XPA: variants seen among roughly 807,000 people sequenced by gnomAD.
The protein encoded by XPA is DNA repair protein complementing XP-A cells.
A neutral mutation model predicts 35.7 loss-of-function variants in XPA; 27 were observed. The observed-to-expected ratio is 0.76, with a 90% CI of 0.56 to 1.04. XPA has a LOEUF of 1.04. XPA is among the 50% of genes least tolerant of loss of function. The probability of loss-of-function intolerance (pLI) is 0.00; values close to 1 mark genes in which losing one functional copy is unlikely to be tolerated. For missense variants in XPA, 354 were observed against 342.7 expected (o/e 1.03, Z -0.26); for synonymous variants, 133 against 118.4 (o/e 1.12, Z -0.80).
chr9:97,663,545 C>T, the XPA span, among the ~76,000 whole-genome samples: 8 of 151,964 alleles, frequency 5.3e-5, no homozygotes, highest in South Asian at 2.1e-4. Flanking sequence ...AGTGCAGTGG[C>T]GCAATCTTGG....
chr9:97,664,351 A>T, the XPA span: 1 of 1,607,104 alleles, frequency 6.2e-7, no homozygotes, highest in South Asian at 1.1e-5. Context: ...TGATTGCTGT[A>T]CTAGTGGATA....
At chr9:97,692,104 C>T (rs970764941) in intron 2 of XPA, among the ~76,000 whole-genome samples, 1 of 151,454 alleles carries the variant, frequency 6.6e-6, no homozygotes, top group Non-Finnish European at 1.5e-5. Flanking sequence ...ACCAGCTGAC[C>T]AACATGGAGA....
At chr9:97,689,479 G>T in intron 3 of XPA, 55 bp downstream of exon 3, 1 of 1,057,326 alleles carries the variant, frequency 9.5e-7, no homozygotes, top group Non-Finnish European at 1.5e-6. Context: ...AACTTGTTTT[G>T]CCCTAAACCT....
the XPA span, among the ~76,000 whole-genome samples, chr9:97,661,636 A>G: frequency 4.2e-4 from 63 of 151,728 alleles, 1 homozygote; most frequent in African/African-American, 1.4e-3. Flanking sequence ...AGAAATTTGT[A>G]TTATGATATT....
At chr9:97,689,902 T>G (rs1190796506) in intron 2 of XPA, among the ~76,000 whole-genome samples, 2 of 152,242 alleles carry the variant, frequency 1.3e-5, no homozygotes, top group Non-Finnish European at 2.9e-5. Context: ...TAGTGCTACA[T>G]TAGTTATAAG....
chr9:97,671,258 T>A, downstream of XPA: 1 of 1,251,624 alleles, frequency 8.0e-7, no homozygotes, highest in Non-Finnish European at 1.1e-6. Flanking sequence ...TTTGTCTTAT[T>A]TTTTGATGGT....
chr9:97,684,481 T>C (rs1307807066), intron 5 of XPA, among the ~76,000 whole-genome samples: 3 of 152,214 alleles, frequency 2.0e-5, no homozygotes, highest in Non-Finnish European at 2.9e-5. Flanking sequence ...TCTGGGTCTT[T>C]TGGTCATATA....
the XPA span, chr9:97,656,007 T>G: frequency 6.2e-7 from 1 of 1,612,672 alleles, no homozygotes; most frequent in South Asian, 1.1e-5. Context: ...CATTTCCTCC[T>G]TAGGTCAGAT....
At chr9:97,689,784 TA>T (rs202167208) in intron 2 of XPA, 145 bp from the exon 3 acceptor site, 7,598 of 384,318 alleles carry the variant, frequency 0.02, no homozygotes, top group Middle Eastern at 0.029. Flanking sequence ...TATGTTTATC[TA>T]AAAAAAAAAA....
At chr9:97,674,389 G>GACTT (rs1828287798), downstream of XPA, among the ~76,000 whole-genome samples, 1 of 152,062 alleles carries the variant, frequency 6.6e-6, no homozygotes, top group African/African-American at 2.4e-5. Context: ...GACTTGTTTT[G>GACTT]ACTTAGCCTT....
intron 5 of XPA, among the ~76,000 whole-genome samples, chr9:97,677,499 C>T (rs909955643): frequency 2.6e-5 from 4 of 151,930 alleles, no homozygotes; most frequent in Non-Finnish European, 5.9e-5. Context: ...ACAGTGAAAC[C>T]CCAATCTCTT....
the XPA span, among the ~76,000 whole-genome samples, chr9:97,668,106 A>G: frequency 6.6e-6 from 1 of 152,210 alleles, no homozygotes; most frequent in Admixed American, 6.5e-5. Context: ...AAGAATTACC[A>G]GGCTTTCTAG....
At chr9:97,654,757 G>T in the XPA span, 2 of 859,580 alleles carry the variant, frequency 2.3e-6, no homozygotes, top group African/African-American at 1.7e-5. Flanking sequence ...GATTGATTGT[G>T]TGAAAAGATG....
rs1829084452 is a variant in XPA at position 97,697,254 on chromosome 9, A to AGCC, written c.36_38dup (p.Ala13dup). 1.3e-6 allele frequency: 2 copies of AGCC among 1,599,936 alleles called. No homozygotes were observed. Among genetic ancestry groups the AGCC allele is most frequent in the Admixed American group, 3.3e-5 (2 of 59,958 alleles). ...CAGGCAGCTCCGCGGGTTGCTCTAAAGCCGCCGCCTCCGGCAAAGCCCCGT... is the reference window on the plus strand; with the variant it reads ...CAGGCAGCTCCGCGGGTTGCTCTAAAGCCGCCGCCGCCTCCGGCAAAGCCCCGT... On this transcript the variant is annotated inframe_insertion, in exon 1 of 6. Coordinates refer to ENST00000375128, the MANE Select transcript of XPA (RefSeq NM_000380.4).
At chr9:97,670,947 C>T, downstream of XPA, 2 of 508,144 alleles carry the variant, frequency 3.9e-6, no homozygotes, top group South Asian at 3.4e-5. Flanking sequence ...TTCAGGGGTC[C>T]ATTGTTCCTA....
chr9:97,669,567 T>A, the XPA span: 23 of 1,491,374 alleles, frequency 1.5e-5, no homozygotes, highest in Non-Finnish European at 2.1e-5. Flanking sequence ...TCTGTAGTAC[T>A]ACCTTAACTT....
chr9:97,669,701 C>T, the XPA span: 2 of 1,579,714 alleles, frequency 1.3e-6, no homozygotes, highest in Non-Finnish European at 1.7e-6. Flanking sequence ...GCAGATCTTC[C>T]TACAGGTATG....
At chr9:97,688,936 A>G (rs1354846944) in intron 3 of XPA, among the ~76,000 whole-genome samples, 1 of 152,168 alleles carries the variant, frequency 6.6e-6, no homozygotes, top group East Asian at 1.9e-4. Flanking sequence ...TGCAAAAGAT[A>G]TCAACACAGC....
intron 4 of XPA, among the ~76,000 whole-genome samples, chr9:97,686,295 G>T (rs1381839537): frequency 6.6e-6 from 1 of 152,108 alleles, no homozygotes; most frequent in Non-Finnish European, 1.5e-5. Flanking sequence ...GTGACTCAAA[G>T]AAACTGGCCT....
Sources: gnomAD v4.1 joint callset for allele counts (sites outside exome capture counted in the v4.1 genomes callset) on GRCh38, gnomAD v4.1.1 for gene constraint, MANE v1.5 for transcripts, NCBI Gene and HGNC (gene_info 2026-07-23, HGNC 2026-07-21) for gene names.